The following TET3 variants were observed in gnomAD, a reference collection of about 807,000 sequenced individuals.
TET3 encodes tet methylcytosine dioxygenase 3, also known as methylcytosine dioxygenase TET3.
TET3 carries 19 observed loss-of-function variants against 141.4 expected under a neutral mutation model. That is an observed-to-expected ratio of 0.13 (90% CI 0.09 to 0.20). The LOEUF is 0.20. Ranked by LOEUF, TET3 falls within the 10% of genes least tolerant of loss-of-function variation. TET3 has a pLI of 1.00. For synonymous variants in TET3, 1,043 were observed against 980.9 expected, an observed-to-expected ratio of 1.06 and a Z score of -1.18; for missense variants, 1,874 against 2,356.9, an observed-to-expected ratio of 0.80 and a Z score of 4.24.
chr2:74,061,461 C>T (rs1159470109), intron 4 of TET3, among the ~76,000 whole-genome samples: 3 of 145,834 alleles, frequency 2.1e-5, no homozygotes, highest in South Asian at 2.2e-4. Flanking sequence ...GCTGGCAGGG[C>T]GGGGGACTGA....
chr2:74,079,868 T>C (rs1412470736), intron 5 of TET3, among the ~76,000 whole-genome samples: 4 of 152,138 alleles, frequency 2.6e-5, no homozygotes, highest in African/African-American at 9.7e-5. Flanking sequence ...GAATATAGTG[T>C]GGTTGATTAG....
intron 4 of TET3, among the ~76,000 whole-genome samples, chr2:74,062,193 C>T (rs901770048): frequency 1.3e-5 from 2 of 152,212 alleles, no homozygotes; most frequent in Non-Finnish European, 2.9e-5. Flanking sequence ...CCGAGGCTGG[C>T]GGATCACTCG....
In TET3 at chr2:74,047,482, A is replaced by T; in HGVS notation, c.1565A>T (p.Gln522Leu). The change falls in exon 4 of 12, where the codon CAG becomes CTG. Residue 522 changes from glutamine (Q) to leucine (L), a missense_variant. Transcript: ENST00000409262. ...PTPSSEPDTH[Q>L]KAQTALQQHL... The stretch of plus-strand genomic sequence containing the variant: ...CCATCCTCGGAGCCCGACACCCACC[A>T]GAAGGCCCAGACCGCCCTGCAGCAG... The T allele has an allele frequency of 6.2e-7, 1 of 1,612,666 alleles. No homozygotes were observed. Among genetic ancestry groups the T allele is most frequent in the Non-Finnish European group, 8.5e-7 (1 of 1,179,818 alleles).
At chr2:74,009,362 T>C (rs1054219266) in intron 3 of TET3, among the ~76,000 whole-genome samples, 1 of 152,216 alleles carries the variant, frequency 6.6e-6, no homozygotes, top group Non-Finnish European at 1.5e-5. Flanking sequence ...CTCTACTTCA[T>C]GTTCTCCCTT....
At chr2:74,030,181 T>C (rs967774277) in intron 3 of TET3, among the ~76,000 whole-genome samples, 1 of 152,234 alleles carries the variant, frequency 6.6e-6, no homozygotes, top group Non-Finnish European at 1.5e-5. Flanking sequence ...GGAATGGTTG[T>C]TATGATGTGC....
At chr2:74,019,969 C>T (rs541033777) in intron 3 of TET3, among the ~76,000 whole-genome samples, 5 of 152,308 alleles carry the variant, frequency 3.3e-5, no homozygotes, top group African/African-American at 1.2e-4. Context: ...TCTGCAGCTT[C>T]CCTTAGGGGA....
intron 2 of TET3, among the ~76,000 whole-genome samples, chr2:74,001,571 A>G (rs1684849914): frequency 6.6e-6 from 1 of 152,158 alleles, no homozygotes. Context: ...TGGGTACCAA[A>G]GTGTGTGGAA....
At chr2:73,994,631 TTTCTTTC>T (rs201533888) in intron 2 of TET3, among the ~76,000 whole-genome samples, 12,856 of 138,266 alleles carry the variant, frequency 0.093, 787 homozygotes, top group African/African-American at 0.19. Flanking sequence ...TCTTTCTTTC[TTTCTTTC>T]TTTTTTTTTT....
Position 74,046,388 on chromosome 2 carries a change from T to G in TET3, c.471T>G (p.Asn157Lys). The change falls in exon 4 of 12, where the codon AAT becomes AAG. Residue 157 changes from asparagine to lysine, a missense_variant. By Grantham distance (94) the Asn-to-Lys change is moderately conservative. This residue lies in a region of TET3 where 366 missense variants were observed against 487.0 expected (regional missense o/e 0.75). Transcript: ENST00000409262. This position sits in a 1 kb window ranked among gnomAD's most constrained non-coding sequence, Gnocchi z 4.3. Reference protein sequence around the residue: ...RQLSASGVPVNGAREPAGPSL... With the variant: ...RQLSASGVPVKGAREPAGPSL... Reference sequence around the variant, plus strand: ...TAAGCGCCTCAGGGGTGCCGGTCAATGGTGCTAGAGAGCCCGCTGGACCCA... The same window carrying G: ...TAAGCGCCTCAGGGGTGCCGGTCAAGGGTGCTAGAGAGCCCGCTGGACCCA... 6.5e-7 allele frequency: 1 copy of G among 1,545,942 alleles called. No homozygotes were observed. The highest frequency in any genetic ancestry group is 8.7e-7 in the Non-Finnish European group (1 of 1,149,570).
intron 2 of TET3, among the ~76,000 whole-genome samples, chr2:73,999,219 C>T (rs1186572705): frequency 6.6e-6 from 1 of 152,156 alleles, no homozygotes; most frequent in Non-Finnish European, 1.5e-5. Context: ...CAACACAGAG[C>T]AGCCTTGGCT....
downstream of TET3, among the ~76,000 whole-genome samples, chr2:74,111,388 C>A (rs1447580488): frequency 6.6e-6 from 1 of 152,210 alleles, no homozygotes; most frequent in Non-Finnish European, 1.5e-5. Flanking sequence ...AAACTGACCT[C>A]TCAACTCTCC....
At chr2:74,080,925 G>A (rs1038820617) in intron 6 of TET3, among the ~76,000 whole-genome samples, 3 of 152,236 alleles carry the variant, frequency 2.0e-5, no homozygotes, top group African/African-American at 7.2e-5. Flanking sequence ...GGGGTAGGAA[G>A]GGAAACTGGG....
intron 4 of TET3, among the ~76,000 whole-genome samples, chr2:74,059,083 A>G (rs1220570806): frequency 2.0e-5 from 3 of 152,144 alleles, no homozygotes. Flanking sequence ...CCCCTGTCCT[A>G]AGGTAACTAT....
In TET3 at chr2:73,994,773, G is replaced by C. The variant is rs61532010; in HGVS notation, c.303+8067G>C. ...CTGCCTCATTCTCCTAGGTAGCTGA[G>C]ATTACAGGCACGTGTCACCGTGCCT... is the stretch of plus-strand genomic sequence containing the variant. On this transcript the variant is annotated intron_variant, in intron 2 of 11. Transcript: ENST00000409262. Among the ~76,000 whole-genome samples the C allele has an allele frequency of 3.3e-5, 5 of 151,292 alleles. No homozygotes were observed. In the East Asian group the frequency reaches 9.7e-4, roughly 29 times the overall value.
At chr2:74,011,183 G>A (rs963127211) in intron 3 of TET3, among the ~76,000 whole-genome samples, 3 of 144,886 alleles carry the variant, frequency 2.1e-5, no homozygotes, top group Non-Finnish European at 4.4e-5. Context: ...GGCCAAGATC[G>A]TGCCACTGCA....
intron 3 of TET3, among the ~76,000 whole-genome samples, chr2:74,042,600 C>T (rs1238045710): frequency 6.6e-6 from 1 of 152,230 alleles, no homozygotes; most frequent in Non-Finnish European, 1.5e-5. Context: ...AGTATCTCCC[C>T]ATTTACTGTC....
intron 4 of TET3, among the ~76,000 whole-genome samples, chr2:74,071,614 C>G (rs988491605): frequency 6.6e-6 from 1 of 152,200 alleles, no homozygotes; most frequent in Admixed American, 6.5e-5. Context: ...TGGTACAATA[C>G]TGTTAACTAC....
Position 74,048,027 on chromosome 2 carries a change from G to A in TET3, c.2110G>A (p.Asp704Asn), listed in dbSNP as rs889309092. Residue 704 changes from aspartate (D) to asparagine (N), a missense_variant, in exon 4 of 12, where the codon GAT becomes AAT. By Grantham distance (23) the Asp-to-Asn change is conservative. Around this residue, in one of 10 missense-constraint regions of TET3, gnomAD observed 484 missense variants for 462.2 expected, o/e 1.05. Transcript: ENST00000409262. The part of the protein sequence containing the change: ...PGSTGPLPPA[D>N]DKLEELIRQF... ...CTCCACTGGCCCTCTTCCCCCTGCC[G>A]ATGACAAGCTGGAAGAGCTCATCCG... is the stretch of plus-strand genomic sequence containing the variant. 11 of 1,609,104 alleles carry A rather than the reference G, an allele frequency of 6.8e-6. No homozygotes were observed. Among genetic ancestry groups the A allele is most frequent in the South Asian group, 1.1e-5 (1 of 90,438 alleles).
At chr2:74,048,474 T>G in intron 4 of TET3, 63 bp downstream of exon 4, 1 of 1,489,452 alleles carries the variant, frequency 6.7e-7, no homozygotes. Flanking sequence ...AGCTAGGATT[T>G]CTAGGCCCTG....
Sources: allele counts gnomAD v4.1 joint callset (sites outside exome capture counted in the v4.1 genomes callset), GRCh38; gene constraint gnomAD v4.1.1; regional missense constraint gnomAD v4.1.1; non-coding constraint Gnocchi (gnomAD v3.1); transcripts MANE v1.5; gene names NCBI Gene and HGNC (gene_info 2026-07-23, HGNC 2026-07-21).